BMP7: variants seen among roughly 807,000 people sequenced by gnomAD.
The protein encoded by BMP7 is osteogenic protein 1.
BMP7 carries 12 observed loss-of-function variants against 41.2 expected under a neutral mutation model. The ratio of observed to expected loss-of-function variants is 0.29; its 90% CI spans 0.19 to 0.47. The LOEUF (loss-of-function observed/expected upper bound fraction) is 0.47. Ranked by LOEUF, BMP7 falls within the 20% of genes least tolerant of loss-of-function variation. BMP7 has a pLI of 0.99. For missense variants in BMP7, 467 were observed against 606.0 expected (o/e 0.77, Z 2.41); for synonymous variants, 248 against 250.0 (o/e 0.99, Z 0.07).
chr20:57,263,921 C>T (rs1339269080), intron 1 of BMP7, among the ~76,000 whole-genome samples: 1 of 152,110 alleles, frequency 6.6e-6, no homozygotes, highest in African/African-American at 2.4e-5. Context: ...AAATCTCTCT[C>T]CAGTTCCTGG....
At position 57,173,278 on chromosome 20, in the gene BMP7, G is replaced by T; in HGVS notation, c.1068C>A (p.Ala356=). Reference sequence around the variant, plus strand: ...AGGCACACTCCCCCTCACAGTAGTAGGCGGCGTAGCCTTCAGGCGCGATGA... The same window carrying T: ...AGGCACACTCCCCCTCACAGTAGTATGCGGCGTAGCCTTCAGGCGCGATGA... ...DWIIAPEGYA[A]YYCEGECAFP... The change falls in exon 6 of 7, where the codon GCC becomes GCA. Residue 356 remains alanine (A), a synonymous_variant. Coordinates refer to ENST00000395863, the MANE Select transcript of BMP7 (RefSeq NM_001719.3). The T allele has an allele frequency of 6.2e-7, 1 of 1,614,204 alleles. No individual in the cohort carries two copies.
chr20:57,188,942 G>C (rs547107438), intron 3 of BMP7, among the ~76,000 whole-genome samples: 2 of 152,282 alleles, frequency 1.3e-5, no homozygotes, highest in Admixed American at 6.5e-5. Context: ...TCTCTGCCAC[G>C]ACAACCACAA....
At chr20:57,238,869 T>C (rs1356414846) in intron 1 of BMP7, among the ~76,000 whole-genome samples, 3 of 152,156 alleles carry the variant, frequency 2.0e-5, no homozygotes, top group Non-Finnish European at 4.4e-5. Context: ...AGATTCACTA[T>C]CATGAGAATA....
At chr20:57,244,287 G>GTAA (rs1490957621) in intron 1 of BMP7, among the ~76,000 whole-genome samples, 1 of 152,206 alleles carries the variant, frequency 6.6e-6, no homozygotes, top group East Asian at 1.9e-4. Flanking sequence ...GAGTGTCCAT[G>GTAA]GAGTGCCTGG....
At chr20:57,223,320 TC>T (rs1477915464) in intron 2 of BMP7, among the ~76,000 whole-genome samples, 10 of 152,138 alleles carry the variant, frequency 6.6e-5, no homozygotes, top group Non-Finnish European at 7.4e-5. Flanking sequence ...AGCCACCTGT[TC>T]ACACCCCAGC....
chr20:57,254,711 T>TC (rs1278850195), intron 1 of BMP7, among the ~76,000 whole-genome samples: 2 of 151,684 alleles, frequency 1.3e-5, no homozygotes, highest in East Asian at 3.9e-4. Context: ...CTATTCCATA[T>TC]CCCCTCCCAG....
rs2146036256 is a variant in BMP7, at chr20:57,266,141, T to A, written c.-19A>T. ...CGTGCATCGCGCCGGCTCTACGCGC[T>A]ACCCGGGCTCCGGGCTCCGGGCCCG... On this transcript the variant is annotated 5_prime_UTR_variant, in exon 1 of 7. Coordinates refer to ENST00000395863, the MANE Select transcript of BMP7 (RefSeq NM_001719.3). The A allele has an allele frequency of 6.6e-7, 1 of 1,516,516 alleles. No individual in the cohort carries two copies. Among genetic ancestry groups the A allele is most frequent in the Middle Eastern group, 2.1e-4 (1 of 4,860 alleles). 93.9% of individuals were successfully genotyped at this position (1,516,516 alleles called of 1,614,324 possible).
rs77182391 is a variant in BMP7, at chr20:57,199,997, T to A, written c.760+2478A>T. Among the ~76,000 whole-genome samples the A allele has an allele frequency of 2.2e-3, 334 of 152,306 alleles. 4 individuals carry two copies. Among genetic ancestry groups the A allele is most frequent in the Middle Eastern group, 0.02 (6 of 294 alleles). On this transcript the variant is annotated intron_variant, in intron 3 of 6. Transcript: ENST00000395863. ...AGATAGCAACCTGCAGCCACTAGGC[T>A]GCAAGGAATGGAGAGGGTCTCAGGT... is the stretch of plus-strand genomic sequence containing the variant.
At position 57,228,781 on chromosome 20, in the gene BMP7, T is replaced by C. The variant is rs2066017902; in HGVS notation, c.419-360A>G. Reference sequence around the variant, plus strand: ...CACTAACCAACAGAGTGGCCCTAGATAAGGTAACAGAAAACCTCTATGGAA... The same window carrying C: ...CACTAACCAACAGAGTGGCCCTAGACAAGGTAACAGAAAACCTCTATGGAA... On this transcript the variant is annotated intron_variant, in intron 1 of 6. Coordinates refer to ENST00000395863, the MANE Select transcript of BMP7 (RefSeq NM_001719.3). The surrounding 1 kb of genome is among the most constrained non-coding windows in gnomAD (Gnocchi z 4.5). Among the ~76,000 whole-genome samples, 1 of 152,188 alleles carries C rather than the reference T, an allele frequency of 6.6e-6. No homozygotes were observed. The highest frequency in any genetic ancestry group is 1.5e-5 in the Non-Finnish European group (1 of 68,032).
intron 3 of BMP7, among the ~76,000 whole-genome samples, chr20:57,197,091 G>A (rs1400227716): frequency 6.6e-6 from 1 of 151,734 alleles, no homozygotes; most frequent in Non-Finnish European, 1.5e-5. Flanking sequence ...TAGTAAAGAC[G>A]GGGTTTCACC....
chr20:57,223,342 T>A (rs1189920866), intron 2 of BMP7, among the ~76,000 whole-genome samples: 1 of 152,084 alleles, frequency 6.6e-6, no homozygotes, highest in Non-Finnish European at 1.5e-5. Context: ...ACACAGGGAA[T>A]CACCTGGGAG....
At chr20:57,232,862 C>T (rs1006024572) in intron 1 of BMP7, among the ~76,000 whole-genome samples, 1 of 129,640 alleles carries the variant, frequency 7.7e-6, no homozygotes, top group East Asian at 2.0e-4. Context: ...TACACACACA[C>T]ACACACACAC....
intron 1 of BMP7, among the ~76,000 whole-genome samples, chr20:57,250,507 G>A (rs1368284306): frequency 2.2e-5 from 3 of 139,340 alleles, no homozygotes; most frequent in Non-Finnish European, 1.5e-5. Context: ...CTCCAGCCTG[G>A]ATGACAGAAC....
intron 4 of BMP7, among the ~76,000 whole-genome samples, chr20:57,182,180 A>T (rs1380139698): frequency 6.6e-6 from 1 of 152,162 alleles, no homozygotes. Context: ...GTCTGGGAGG[A>T]GTCCCGATGC....
At position 57,207,000 on chromosome 20, in the gene BMP7, C is replaced by A. The variant is rs1181509530; in HGVS notation, c.612-4377G>T. ...GTGTTAGATTTTCTGCAAATAACAGCCACCAACAATTCCTTGTCTCTGTAT... is the reference window on the plus strand; with the variant it reads ...GTGTTAGATTTTCTGCAAATAACAGACACCAACAATTCCTTGTCTCTGTAT... On this transcript the variant is annotated intron_variant, in intron 2 of 6. Coordinates refer to ENST00000395863, the MANE Select transcript of BMP7 (RefSeq NM_001719.3). Among the ~76,000 whole-genome samples the A allele has an allele frequency of 2.0e-5, 3 of 152,204 alleles. No homozygotes were observed. The East Asian group carries it at 5.8e-4, about 29-fold the overall frequency.
At chr20:57,173,082 T>C (rs1322354148) in intron 6 of BMP7, 118 bp downstream of exon 6, 2 of 1,116,734 alleles carry the variant, frequency 1.8e-6, no homozygotes, top group Non-Finnish European at 2.7e-6. Flanking sequence ...CCCCCAAAAG[T>C]CATGACATGG....
At chr20:57,219,081 T>A in intron 2 of BMP7, among the ~76,000 whole-genome samples, 1 of 144,994 alleles carries the variant, frequency 6.9e-6, no homozygotes, top group South Asian at 2.1e-4. Context: ...AGCTGGCGTT[T>A]GTTCAGTGGT....
intron 5 of BMP7, among the ~76,000 whole-genome samples, chr20:57,173,746 C>A (rs1460058554): frequency 2.0e-5 from 3 of 152,098 alleles, no homozygotes; most frequent in Non-Finnish European, 4.4e-5. Context: ...AGGAAGGAGC[C>A]TCCGGTGTGA....
At chr20:57,254,729 C>T (rs1398873443) in intron 1 of BMP7, among the ~76,000 whole-genome samples, 1 of 152,112 alleles carries the variant, frequency 6.6e-6, no homozygotes, top group Non-Finnish European at 1.5e-5. Context: ...CAGAGCTACA[C>T]CTGCTTCTCT....
Sources: gnomAD v4.1 joint callset for allele counts (sites outside exome capture counted in the v4.1 genomes callset) on GRCh38, gnomAD v4.1.1 for gene constraint, Gnocchi (gnomAD v3.1) non-coding constraint, MANE v1.5 for transcripts, NCBI Gene and HGNC (gene_info 2026-07-23, HGNC 2026-07-21) for gene names.